PLXDC2: variants seen among roughly 807,000 people sequenced by gnomAD.
PLXDC2 encodes plexin domain-containing protein 2.
In PLXDC2, 40 loss-of-function variants were observed where a neutral mutation model predicts 68.9. That is an observed-to-expected ratio of 0.58 (90% CI 0.45 to 0.76). The LOEUF is 0.76. PLXDC2 is among the 30% of genes least tolerant of loss of function. PLXDC2 has a pLI of 0.00. For synonymous variants in PLXDC2, 243 were observed against 234.2 expected (o/e 1.04, Z -0.34); for missense variants, 644 against 661.9 (o/e 0.97, Z 0.30).
At chr10:19,893,521 A>G (rs545973225) in intron 1 of PLXDC2, among the ~76,000 whole-genome samples, 3 of 152,338 alleles carry the variant, frequency 2.0e-5, no homozygotes, top group South Asian at 2.1e-4. Flanking sequence ...TTTTCCTAGC[A>G]TAAGCCTGGT....
intron 1 of PLXDC2, among the ~76,000 whole-genome samples, chr10:19,858,894 G>C (rs562667054): frequency 1.3e-5 from 2 of 152,116 alleles, no homozygotes; most frequent in South Asian, 4.2e-4. Flanking sequence ...GGCTTATTTG[G>C]TTCATGATTC....
At chr10:20,036,096 A>G (rs557917467) in intron 2 of PLXDC2, among the ~76,000 whole-genome samples, 3 of 152,324 alleles carry the variant, frequency 2.0e-5, no homozygotes, top group South Asian at 4.1e-4. Context: ...GGGCTTTTTT[A>G]TAAATCCAAA....
chr10:20,235,606 T>C (rs1835422388), intron 12 of PLXDC2, among the ~76,000 whole-genome samples: 1 of 152,150 alleles, frequency 6.6e-6, no homozygotes, highest in African/African-American at 2.4e-5. Flanking sequence ...CTCCTTTAGG[T>C]CCAGCAGTGT....
chr10:20,112,182 G>A (rs1281828452), intron 4 of PLXDC2, among the ~76,000 whole-genome samples: 1 of 152,096 alleles, frequency 6.6e-6, no homozygotes, highest in African/African-American at 2.4e-5. Context: ...CCAGCCTCCA[G>A]AATTGTAAGA....
intron 1 of PLXDC2, among the ~76,000 whole-genome samples, chr10:20,000,505 A>G (rs1020707220): frequency 3.9e-5 from 6 of 152,076 alleles, no homozygotes; most frequent in African/African-American, 1.4e-4. Flanking sequence ...ATGCATCATA[A>G]TATCAGACAA....
chr10:19,825,010 G>T (rs916768362), intron 1 of PLXDC2, among the ~76,000 whole-genome samples: 6 of 152,184 alleles, frequency 3.9e-5, no homozygotes, highest in Non-Finnish European at 8.8e-5. Context: ...TCTGTCAGAG[G>T]CCATCAAACC....
chr10:19,936,446 T>C (rs1204073172), intron 1 of PLXDC2, among the ~76,000 whole-genome samples: 2 of 152,204 alleles, frequency 1.3e-5, no homozygotes, highest in Non-Finnish European at 2.9e-5. Context: ...CACCAGACCA[T>C]AGCAAAATAA....
At chr10:20,152,536 A>C (rs1017538126) in intron 6 of PLXDC2, among the ~76,000 whole-genome samples, 5 of 152,158 alleles carry the variant, frequency 3.3e-5, no homozygotes, top group African/African-American at 1.2e-4. Context: ...AAATACAATA[A>C]GAATAATATT....
intron 6 of PLXDC2, among the ~76,000 whole-genome samples, chr10:20,161,350 G>A (rs1310872751): frequency 1.3e-5 from 2 of 151,584 alleles, no homozygotes. Flanking sequence ...AATCCTTCAT[G>A]TGTCTTGTAT....
Position 20,110,848 on chromosome 10 carries a change from T to G in PLXDC2, c.542-32447T>G, listed in dbSNP as rs572963231. 1.2e-4 allele frequency among the ~76,000 whole-genome samples: 18 copies of G among 152,310 alleles called. No homozygotes were observed. The South Asian group carries it at 3.7e-3, about 32-fold the overall frequency. ...TTTTGTTTTTGATCGGCCTTGCTCT[T>G]TTATTCCCCACACAGACTCTGTTTG... On this transcript the variant is annotated intron_variant, in intron 4 of 13. Coordinates refer to ENST00000377252, the MANE Select transcript of PLXDC2 (RefSeq NM_032812.9).
intron 4 of PLXDC2, among the ~76,000 whole-genome samples, chr10:20,070,072 A>G (rs1836289923): frequency 6.6e-6 from 1 of 152,166 alleles, no homozygotes; most frequent in African/African-American, 2.4e-5. Flanking sequence ...ATGGTAGGGT[A>G]TATTTGGGAT....
At chr10:19,929,748 CA>C (rs535964725) in intron 1 of PLXDC2, among the ~76,000 whole-genome samples, 14 of 152,118 alleles carry the variant, frequency 9.2e-5, no homozygotes, top group African/African-American at 3.4e-4. Context: ...ACCACTGATA[CA>C]AAAAAACTGC....
At position 20,019,621 on chromosome 10, in the gene PLXDC2, G is replaced by A. The variant is rs566195675; in HGVS notation, c.324+17635G>A. Among the ~76,000 whole-genome samples the A allele has an allele frequency of 2.6e-5, 4 of 152,286 alleles. No individual in the cohort carries two copies. The East Asian group carries it at 7.7e-4, about 29-fold the overall frequency. ...GGGCTTATAAAAAGAGAGAGAAAAAGACATCCCTCTCCATTCACACACATT... is the reference window on the plus strand; with the variant it reads ...GGGCTTATAAAAAGAGAGAGAAAAAAACATCCCTCTCCATTCACACACATT... On this transcript the variant is annotated intron_variant, in intron 2 of 13. Coordinates refer to ENST00000377252, the MANE Select transcript of PLXDC2 (RefSeq NM_032812.9).
chr10:19,927,961 A>G (rs978016454), intron 1 of PLXDC2, among the ~76,000 whole-genome samples: 3 of 152,020 alleles, frequency 2.0e-5, no homozygotes, highest in South Asian at 4.2e-4. Context: ...ACCTTCCTCC[A>G]TTCTGAGTCT....
intron 1 of PLXDC2, among the ~76,000 whole-genome samples, chr10:19,904,165 C>CG (rs1055004047): frequency 2.6e-5 from 4 of 151,970 alleles, no homozygotes; most frequent in Non-Finnish European, 5.9e-5. Context: ...CTGCAGTTGT[C>CG]GGGTAGAATG....
At chr10:19,978,730 A>G (rs1413200119) in intron 1 of PLXDC2, among the ~76,000 whole-genome samples, 1 of 152,234 alleles carries the variant, frequency 6.6e-6, no homozygotes, top group East Asian at 1.9e-4. Context: ...ACAATCATTC[A>G]TAATTCCACG....
chr10:20,121,367 A>C (rs1337507232), intron 4 of PLXDC2, among the ~76,000 whole-genome samples: 1 of 152,174 alleles, frequency 6.6e-6, no homozygotes, highest in Non-Finnish European at 1.5e-5. Context: ...ATGCCTAGGA[A>C]GGAAAGGAGT....
chr10:20,007,478 A>G (rs1183137148), intron 2 of PLXDC2, among the ~76,000 whole-genome samples: 1 of 152,230 alleles, frequency 6.6e-6, no homozygotes, highest in East Asian at 1.9e-4. Context: ...CTCTTGGGAC[A>G]TTGAAAGTGT....
chr10:19,931,241 G>A (rs1480092061), intron 1 of PLXDC2, among the ~76,000 whole-genome samples: 4 of 152,234 alleles, frequency 2.6e-5, no homozygotes, highest in Admixed American at 2.0e-4. Flanking sequence ...TCCTGAGGAC[G>A]GGCCAGCTTG....
Sources: gnomAD v4.1 joint callset for allele counts (sites outside exome capture counted in the v4.1 genomes callset) on GRCh38, gnomAD v4.1.1 for gene constraint, MANE v1.5 for transcripts, NCBI Gene and HGNC (gene_info 2026-07-23, HGNC 2026-07-21) for gene names.